The following SUPT6H variants were observed in gnomAD, a reference collection of about 807,000 sequenced individuals.
SUPT6H encodes the protein transcription elongation factor SPT6.
A neutral mutation model predicts 222.3 loss-of-function variants in SUPT6H; 11 were observed. The observed-to-expected ratio is 0.05, with a 90% CI of 0.03 to 0.08. SUPT6H has a LOEUF of 0.08. SUPT6H is among the 10% of genes least tolerant of loss of function. SUPT6H has a pLI of 1.00. For synonymous variants in SUPT6H, 762 were observed against 801.2 expected (o/e 0.95, Z 0.83); for missense variants, 1,422 against 2,216.0 (o/e 0.64, Z 7.19).
chr17:28,678,154 A>C lies in SUPT6H; in HGVS notation c.1078A>C (p.Lys360Gln). The C allele has an allele frequency of 7.5e-6, 12 of 1,608,568 alleles. No individual in the cohort carries two copies. The highest frequency in any genetic ancestry group is 9.3e-6 in the Non-Finnish European group (11 of 1,178,620). The change falls in exon 9 of 37, where the codon AAA becomes CAA. Residue 360 changes from lysine (K) to glutamine (Q), a missense_variant. Coordinates refer to ENST00000314616, the MANE Select transcript of SUPT6H (RefSeq NM_003170.5). ...AGGGCCCAGCACAATTCAGAAGATCAAAGAGGCCCTGGGCTTCATGCGAAA... is the reference window on the plus strand; with the variant it reads ...AGGGCCCAGCACAATTCAGAAGATCCAAGAGGCCCTGGGCTTCATGCGAAA... ...RKGPSTIQKI[K>Q]EALGFMRNQH...
In SUPT6H at chr17:28,678,956, A is replaced by G. The variant is rs769469685; in HGVS notation, c.1342A>G (p.Met448Val). 3 of 1,614,224 alleles carry G rather than the reference A, an allele frequency of 1.9e-6. No homozygotes were observed. The highest frequency in any genetic ancestry group is 2.5e-6 in the Non-Finnish European group (3 of 1,180,032). ...DGIRALDTTDMERLKDVQSMD... is the reference protein window; with the variant it reads ...DGIRALDTTDVERLKDVQSMD... Reference sequence around the variant, plus strand: ...CATCCGGGCTCTGGACACCACTGACATGGAGAGGTAAAACATGCGGTGTTT... The same window carrying G: ...CATCCGGGCTCTGGACACCACTGACGTGGAGAGGTAAAACATGCGGTGTTT... Residue 448 changes from methionine to valine, a missense_variant, in exon 11 of 37, where the codon ATG becomes GTG. Around this residue, in one of 13 missense-constraint regions of SUPT6H, gnomAD observed 389 missense variants for 544.6 expected, o/e 0.71. Coordinates refer to ENST00000314616, the MANE Select transcript of SUPT6H (RefSeq NM_003170.5).
chr17:28,700,823 C>T, intron 35 of SUPT6H, 118 bp from the exon 36 acceptor site: 1 of 1,266,402 alleles, frequency 7.9e-7, no homozygotes, highest in Non-Finnish European at 1.1e-6. Context: ...GAAGCACATA[C>T]TCAGTGGAAG....
Position 28,681,293 on chromosome 17 carries a change from G to C in SUPT6H, c.1387G>C (p.Val463Leu). The change falls in exon 12 of 37, where the codon GTC becomes CTC. Residue 463 changes from valine (V) to leucine (L), a missense_variant. Val to Leu is a conservative substitution (Grantham distance 32). Transcript: ENST00000314616. ...CCAATCAATGGATGAGCTGAAAGAT[G>C]TCTACAACCATTTTCTTCTTTATTA... ...DVQSMDELKD[V>L]YNHFLLYYGR... is the part of the protein sequence containing the mutation. 6.2e-7 allele frequency: 1 copy of C among 1,613,994 alleles called. No homozygotes were observed. Among genetic ancestry groups the C allele is most frequent in the South Asian group, 1.1e-5 (1 of 91,060 alleles).
intron 30 of SUPT6H, 70 bp downstream of exon 30, chr17:28,697,152 C>T: frequency 7.4e-7 from 1 of 1,353,404 alleles, no homozygotes; most frequent in Admixed American, 1.7e-5. Flanking sequence ...AGGGTGCTTT[C>T]ACCTGACATT....
At chr17:28,680,169 G>A (rs1010428527) in intron 11 of SUPT6H, among the ~76,000 whole-genome samples, 3 of 150,724 alleles carry the variant, frequency 2.0e-5, no homozygotes, top group Non-Finnish European at 4.4e-5. Context: ...AGCTCGGTGT[G>A]GTGGCAGGCA....
rs373010018 is a variant in SUPT6H at position 28,678,648 on chromosome 17, G to T, written c.1206+14G>T. 1 of 1,613,256 alleles carries T rather than the reference G, an allele frequency of 6.2e-7. No homozygotes were observed. Among genetic ancestry groups the T allele is most frequent in the Non-Finnish European group, 8.5e-7 (1 of 1,179,568 alleles). The stretch of plus-strand genomic sequence containing the variant: ...TGGGATGAAAAGGTAATGTAGATCC[G>T]TGGCCCCCAAGAGGTGTGGGCCAGG... On this transcript the variant is annotated intron_variant, in intron 10 of 36. Transcript: ENST00000314616.
chr17:28,673,622 C>A, intron 2 of SUPT6H, 112 bp downstream of exon 2: 1 of 766,002 alleles, frequency 1.3e-6, no homozygotes, highest in Non-Finnish European at 2.2e-6. Context: ...ACATGAGGTA[C>A]CAGCTTGAGA....
At chr17:28,700,067 G>T in intron 33 of SUPT6H, 106 bp from the exon 34 acceptor site, 1 of 1,535,682 alleles carries the variant, frequency 6.5e-7, no homozygotes, top group Middle Eastern at 1.9e-4. Context: ...TGCCTATGCA[G>T]CTTCCCTTCC....
Position 28,674,261 on chromosome 17 carries a change from C to T in SUPT6H, c.110-22C>T, listed in dbSNP as rs1356081291. On this transcript the variant is annotated intron_variant, in intron 2 of 36. Coordinates refer to ENST00000314616, the MANE Select transcript of SUPT6H (RefSeq NM_003170.5). ...CTAGCCTGTTTTTCAGTCTCCATGC[C>T]TCAAACATGCATGTCTTCCAGATGA... 4.3e-6 allele frequency: 7 copies of T among 1,613,668 alleles called. No homozygotes were observed. The Admixed American group carries it at 1.2e-4, about 27-fold the overall frequency.
At chr17:28,676,052 C>T (rs538069202) in intron 6 of SUPT6H, 105 bp from the exon 7 acceptor site, 1,030 of 1,343,282 alleles carry the variant, frequency 7.7e-4, no homozygotes, top group Middle Eastern at 2.0e-3. Flanking sequence ...TACCTTCCTC[C>T]TAACCCTCTC....
chr17:28,679,921 C>CAGA (rs2030995538), intron 11 of SUPT6H, among the ~76,000 whole-genome samples: 1 of 141,560 alleles, frequency 7.1e-6, no homozygotes, highest in Non-Finnish European at 1.5e-5. Flanking sequence ...ATCTAGGATG[C>CAGA]AGAGGTTGCA....
intron 35 of SUPT6H, 107 bp from the exon 36 acceptor site, chr17:28,700,834 A>G: frequency 7.4e-7 from 1 of 1,343,038 alleles, no homozygotes; most frequent in Non-Finnish European, 1.0e-6. Flanking sequence ...TCAGTGGAAG[A>G]TCATCTGGAA....
intron 25 of SUPT6H, 24 bp downstream of exon 25, chr17:28,689,585 G>A (rs370202592): frequency 6.2e-6 from 10 of 1,611,648 alleles, no homozygotes; most frequent in South Asian, 1.1e-5. Flanking sequence ...TGGAAGGCCC[G>A]GCAGGAGAAC....
At position 28,701,595 on chromosome 17, in the gene SUPT6H, C is replaced by T; in HGVS notation, c.5151C>T (p.Ala1717=). ...ESTPMSIAGD[A]TPLLDEMDR is the part of the protein sequence containing the mutation. The stretch of plus-strand genomic sequence containing the variant: ...CCCCCATGTCCATTGCTGGCGATGC[C>T]ACCCCACTCCTGGACGAGATGGATC... The change falls in exon 37 of 37, where the codon GCC becomes GCT. Residue 1717 remains alanine (A), a synonymous_variant. Coordinates refer to ENST00000314616, the MANE Select transcript of SUPT6H (RefSeq NM_003170.5). 3 of 1,613,282 alleles carry T rather than the reference C, an allele frequency of 1.9e-6. No individual in the cohort carries two copies. Among genetic ancestry groups the T allele is most frequent in the Non-Finnish European group, 2.5e-6 (3 of 1,179,404 alleles).
chr17:28,689,933 C>G (rs1362011209), intron 25 of SUPT6H, 149 bp from the exon 26 acceptor site: 1 of 1,089,374 alleles, frequency 9.2e-7, no homozygotes, highest in Admixed American at 2.3e-5. Flanking sequence ...AGTTTGAAAA[C>G]CACCTTTAGT....
At chr17:28,686,483 G>T in intron 20 of SUPT6H, 68 bp downstream of exon 20, 5 of 1,575,742 alleles carry the variant, frequency 3.2e-6, no homozygotes, top group Non-Finnish European at 4.4e-6. Flanking sequence ...ATTGAGTCTG[G>T]CATATGCCCA....
intron 7 of SUPT6H, among the ~76,000 whole-genome samples, chr17:28,677,380 C>G (rs1282150988): frequency 6.7e-6 from 1 of 149,238 alleles, no homozygotes; most frequent in African/African-American, 2.5e-5. Context: ...GAGACTCCAT[C>G]TCAAAAAAAA....
At chr17:28,686,299 A>T in intron 19 of SUPT6H, 40 bp from the exon 20 acceptor site, 1 of 1,574,402 alleles carries the variant, frequency 6.4e-7, no homozygotes, top group South Asian at 1.1e-5. Flanking sequence ...AAATCTTTAC[A>T]TCCTCAGAGC....
At position 28,683,258 on chromosome 17, in the gene SUPT6H, A is replaced by C. The variant is rs765061606; in HGVS notation, c.1879-10A>C. 6.2e-7 allele frequency: 1 copy of C among 1,613,262 alleles called. No homozygotes were observed. Among genetic ancestry groups the C allele is most frequent in the Admixed American group, 1.7e-5 (1 of 59,936 alleles). ...TCCGCAGGCTCATGATTCCCCCTTC[A>C]TGTGTGCAGGATGTGGATGAGGCCC... On this transcript the variant is annotated splice_polypyrimidine_tract_variant and intron_variant, in intron 15 of 36. Coordinates refer to ENST00000314616, the MANE Select transcript of SUPT6H (RefSeq NM_003170.5).
Sources: gnomAD v4.1 joint callset for allele counts (sites outside exome capture counted in the v4.1 genomes callset) on GRCh38, gnomAD v4.1.1 for gene constraint, gnomAD v4.1.1 regional missense constraint, MANE v1.5 for transcripts, NCBI Gene and HGNC (gene_info 2026-07-23, HGNC 2026-07-21) for gene names.